The following SLC25A26 variants were observed in gnomAD, a reference collection of about 807,000 sequenced individuals.
SLC25A26 encodes the protein mitochondrial S-adenosylmethionine carrier protein.
Under a neutral mutation model 37.8 loss-of-function variants are expected in SLC25A26, and 36 were observed. That is an observed-to-expected ratio of 0.95 (90% CI 0.73 to 1.26). SLC25A26 has a LOEUF of 1.26. Ranked by LOEUF, SLC25A26 falls within the 50% of genes most tolerant of loss-of-function variation. The probability of loss-of-function intolerance (pLI) is 0.00; values close to 1 mark genes in which losing one functional copy is unlikely to be tolerated. For missense variants in SLC25A26, 390 were observed against 331.1 expected (o/e 1.18, Z -1.38); for synonymous variants, 129 against 122.5 (o/e 1.05, Z -0.35).
intron 5 of SLC25A26, among the ~76,000 whole-genome samples, chr3:66,315,031 T>C (rs2075494871): frequency 7.1e-6 from 1 of 141,046 alleles, no homozygotes. Context: ...GTCTAGTTAG[T>C]AGTCTATTTT....
intron 5 of SLC25A26, among the ~76,000 whole-genome samples, chr3:66,272,363 A>G (rs1161726651): frequency 6.6e-6 from 1 of 152,160 alleles, no homozygotes; most frequent in Admixed American, 6.5e-5. Context: ...GAAAATATGT[A>G]TTTAAAATGA....
At chr3:66,159,376 G>T (rs1417700044) in intron 1 of SLC25A26, among the ~76,000 whole-genome samples, 2 of 152,178 alleles carry the variant, frequency 1.3e-5, no homozygotes, top group African/African-American at 4.8e-5. Flanking sequence ...ACCAAGCCTG[G>T]TGTTTTTCAT....
upstream of SLC25A26, among the ~76,000 whole-genome samples, chr3:66,217,446 T>C (rs988362283): frequency 6.6e-6 from 1 of 152,186 alleles, no homozygotes; most frequent in Non-Finnish European, 1.5e-5. Flanking sequence ...TATTTCTATA[T>C]GACAAGCACT....
At chr3:66,312,541 AG>A (rs763094968) in intron 5 of SLC25A26, among the ~76,000 whole-genome samples, 12 of 151,086 alleles carry the variant, frequency 7.9e-5, no homozygotes, top group Non-Finnish European at 7.4e-5. Flanking sequence ...AAGAAAAAAA[AG>A]AAACAACAGA....
intron 5 of SLC25A26, among the ~76,000 whole-genome samples, chr3:66,332,091 A>T (rs113900638): frequency 6.6e-6 from 1 of 151,864 alleles, no homozygotes; most frequent in African/African-American, 2.4e-5. Flanking sequence ...GACACCAAAA[A>T]TTAGCCTGGC....
chr3:66,153,634 C>T (rs1576599070), intron 1 of SLC25A26, among the ~76,000 whole-genome samples: 1 of 152,308 alleles, frequency 6.6e-6, no homozygotes, highest in East Asian at 1.9e-4. Context: ...AGGCAAAGTC[C>T]AGAAATAGCA....
At chr3:66,346,471 G>T (rs2076326085) in intron 6 of SLC25A26, 63 bp downstream of exon 6, 1 of 838,070 alleles carries the variant, frequency 1.2e-6, no homozygotes, top group African/African-American at 1.9e-5. Context: ...TAGTTTGAGT[G>T]TGGAAGAGTA....
intron 1 of SLC25A26, among the ~76,000 whole-genome samples, chr3:66,154,924 A>G (rs1286071253): frequency 6.6e-6 from 1 of 152,256 alleles, no homozygotes; most frequent in Non-Finnish European, 1.5e-5. Flanking sequence ...CAGCTCTTCA[A>G]TAAACAATAT....
intron 5 of SLC25A26, among the ~76,000 whole-genome samples, chr3:66,266,989 C>G (rs780571431): frequency 6.6e-6 from 1 of 152,154 alleles, no homozygotes. Context: ...TAGCAGATGT[C>G]TTTTGTCCAC....
chr3:66,134,577 A>C (rs552853534), intron 1 of SLC25A26, among the ~76,000 whole-genome samples: 55 of 152,336 alleles, frequency 3.6e-4, no homozygotes, highest in Middle Eastern at 3.4e-3. Context: ...AAGTTACCTT[A>C]ATTGCTTAGA....
chr3:66,209,948 G>A (rs1407285466), intron 1 of SLC25A26, among the ~76,000 whole-genome samples: 5 of 28,508 alleles, frequency 1.8e-4, no homozygotes, highest in South Asian at 1.7e-3. Flanking sequence ...ATATATATAT[G>A]CAGTAGTTTC....
intron 3 of SLC25A26, among the ~76,000 whole-genome samples, chr3:66,254,084 A>C (rs1029899794): frequency 1.3e-5 from 2 of 152,204 alleles, no homozygotes; most frequent in Non-Finnish European, 2.9e-5. Context: ...GCGTGATTGG[A>C]AAGAGTCTTA....
At chr3:66,214,599 C>G (rs1293656296) in intron 1 of SLC25A26, among the ~76,000 whole-genome samples, 1 of 152,010 alleles carries the variant, frequency 6.6e-6, no homozygotes, top group Non-Finnish European at 1.5e-5. Flanking sequence ...TTAACATGTT[C>G]ATTATCTATT....
intron 5 of SLC25A26, among the ~76,000 whole-genome samples, chr3:66,322,818 G>C (rs1235706508): frequency 1.3e-5 from 2 of 152,186 alleles, no homozygotes; most frequent in Non-Finnish European, 2.9e-5. Context: ...TTGAGTGCCT[G>C]ATATTGAAGA....
Position 66,236,693 on chromosome 3 carries a change from T to C in SLC25A26, c.183T>C (p.Phe61=). Residue 61 remains phenylalanine, a synonymous_variant, in exon 2 of 10, where the codon TTT becomes TTC. Transcript: ENST00000354883. The part of the protein sequence containing the change: ...AGVPSAAIGS[F]PNAAAFFITY... The stretch of plus-strand genomic sequence containing the variant: ...TTCCTTCTGCTGCTATTGGATCCTT[T>C]CCTAATGGTAAAAAATTATATTCTC... 1 of 1,510,332 alleles carries C rather than the reference T, an allele frequency of 6.6e-7. No homozygotes were observed. The highest frequency in any genetic ancestry group is 8.9e-7 in the Non-Finnish European group (1 of 1,128,046). 93.6% of individuals were successfully genotyped at this position (1,510,332 alleles called of 1,614,324 possible).
chr3:66,143,543 G>A (rs1490044176), intron 1 of SLC25A26, among the ~76,000 whole-genome samples: 1 of 151,980 alleles, frequency 6.6e-6, no homozygotes, highest in Non-Finnish European at 1.5e-5. Context: ...AAGCAGGAAT[G>A]GTACCTAATT....
chr3:66,330,764 T>C (rs1252517980), intron 5 of SLC25A26, among the ~76,000 whole-genome samples: 2 of 152,110 alleles, frequency 1.3e-5, no homozygotes, highest in African/African-American at 2.4e-5. Context: ...TGATTCTGTC[T>C]ATAAATTTTT....
intron 5 of SLC25A26, among the ~76,000 whole-genome samples, chr3:66,338,022 G>C (rs2076129233): frequency 6.6e-6 from 1 of 151,894 alleles, no homozygotes; most frequent in African/African-American, 2.4e-5. Context: ...TTCCCAGAAA[G>C]TTCTCTCATC....
At chr3:66,251,719 T>C (rs2073091906) in intron 3 of SLC25A26, among the ~76,000 whole-genome samples, 1 of 152,204 alleles carries the variant, frequency 6.6e-6, no homozygotes, top group African/African-American at 2.4e-5. Flanking sequence ...GTGAGGCCTG[T>C]AGAAAGGAAC....
Sources: allele counts gnomAD v4.1 joint callset (sites outside exome capture counted in the v4.1 genomes callset), GRCh38; gene constraint gnomAD v4.1.1; transcripts MANE v1.5; gene names NCBI Gene and HGNC (gene_info 2026-07-23, HGNC 2026-07-21).